The following NOL9 variants were observed in gnomAD, a reference collection of about 807,000 sequenced individuals.
The protein encoded by NOL9 is polynucleotide 5'-hydroxyl-kinase NOL9.
A neutral mutation model predicts 67.9 loss-of-function variants in NOL9; 28 were observed. The observed-to-expected ratio is 0.41, with a 90% confidence interval of 0.31 to 0.57. The LOEUF (loss-of-function observed/expected upper bound fraction) is 0.57, where lower values mean the gene tolerates loss of function less well. Ranked by LOEUF, NOL9 falls within the 20% of genes least tolerant of loss-of-function variation. NOL9 has a pLI of 0.25. For synonymous variants in NOL9, 356 were observed against 352.2 expected (o/e 1.01, Z -0.12); for missense variants, 777 against 897.0 (o/e 0.87, Z 1.71).
chr1:6,526,580 A>G, intron 11 of NOL9, 116 bp downstream of exon 11: 1 of 1,105,580 alleles, frequency 9.0e-7, no homozygotes, highest in South Asian at 1.8e-5. Context: ...AGGATCTACA[A>G]CAAAGTATAG....
chr1:6,544,543 A>ACCCCC (rs33922236), intron 5 of NOL9, among the ~76,000 whole-genome samples: 26 of 24,524 alleles, frequency 1.1e-3, no homozygotes, highest in South Asian at 5.6e-3. Context: ...GCACACACGC[A>ACCCCC]CCCCCCCCCC....
chr1:6,548,134 AGTTCT>A (rs1310337688), intron 3 of NOL9: 2 of 147,304 alleles, frequency 1.4e-5, no homozygotes, highest in Non-Finnish European at 2.8e-5. Context: ...TGAGACTTAA[AGTTCT>A]TTTTTTTTTT....
At chr1:6,537,887 G>A in intron 6 of NOL9, among the ~76,000 whole-genome samples, 1 of 150,920 alleles carries the variant, frequency 6.6e-6, no homozygotes, top group African/African-American at 2.4e-5. Context: ...CTTTGGAGAG[G>A]CCGAGGCAGG....
At chr1:6,530,612 A>G (rs898038039) in intron 9 of NOL9, among the ~76,000 whole-genome samples, 1 of 152,244 alleles carries the variant, frequency 6.6e-6, no homozygotes, top group Non-Finnish European at 1.5e-5. Flanking sequence ...CAGGGGAGAT[A>G]ACTCAGAGGC....
intron 9 of NOL9, among the ~76,000 whole-genome samples, chr1:6,530,597 C>G (rs1639002647): frequency 6.6e-6 from 1 of 152,210 alleles, no homozygotes. Context: ...GTGACTTAGA[C>G]TCTCCAGGGG....
chr1:6,543,704 G>A (rs1404268498), intron 5 of NOL9, among the ~76,000 whole-genome samples: 1 of 152,170 alleles, frequency 6.6e-6, no homozygotes, highest in African/African-American at 2.4e-5. Context: ...GATCTGGCAT[G>A]GTGGCTTATA....
At chr1:6,531,126 C>A (rs1303874309) in intron 9 of NOL9, among the ~76,000 whole-genome samples, 2 of 152,212 alleles carry the variant, frequency 1.3e-5, no homozygotes, top group African/African-American at 4.8e-5. Context: ...TCATGCTTTC[C>A]TCCCAAAACA....
intron 10 of NOL9, among the ~76,000 whole-genome samples, chr1:6,527,174 G>A (rs1023478546): frequency 9.2e-5 from 14 of 151,846 alleles, no homozygotes; most frequent in Admixed American, 1.3e-4. Context: ...TTGAACCCGG[G>A]AGGTGGAGCT....
chr1:6,549,751 C>A (rs1435442146), intron 2 of NOL9, 53 bp from the exon 3 acceptor site: 1 of 1,604,818 alleles, frequency 6.2e-7, no homozygotes, highest in Non-Finnish European at 8.5e-7. Flanking sequence ...TTACATTCCA[C>A]GCCCTTTAGG....
In NOL9 at chr1:6,526,836, G is replaced by C; in HGVS notation, c.1826-7C>G. ...TCAATGCCTCTACAGATGCCTTCAA[G>C]ACACGCGCACAACACAAAAATCACC... On this transcript the variant is annotated splice_region_variant and splice_polypyrimidine_tract_variant and intron_variant, in intron 10 of 11. Transcript: ENST00000377705. 6.3e-7 allele frequency: 1 copy of C among 1,593,306 alleles called. No homozygotes were observed. Among genetic ancestry groups the C allele is most frequent in the Middle Eastern group, 1.7e-4 (1 of 5,918 alleles).
rs1639392236 is a variant in NOL9, at chr1:6,545,174, T to C, written c.751A>G (p.Thr251Ala). Reference protein sequence around the residue: ...SSYIFVQESPTPQIKPEYLAL... With the variant: ...SSYIFVQESPAPQIKPEYLAL... ...AAATATTCAGGTTTAATCTGGGGAG[T>C]TGGACTCTGAAATCAACAATTTAAA... The change falls in exon 4 of 12, where the codon ACT (threonine) becomes GCT (alanine). Residue 251 changes from threonine to alanine, a missense_variant. Physicochemically the swap from Thr to Ala is moderately conservative, Grantham distance 58. Coordinates refer to ENST00000377705, the MANE Select transcript of NOL9 (RefSeq NM_024654.5). The C allele has an allele frequency of 2.5e-6, 4 of 1,607,632 alleles. No individual in the cohort carries two copies. Among genetic ancestry groups the C allele is most frequent in the Non-Finnish European group, 3.4e-6 (4 of 1,178,424 alleles).
chr1:6,529,043 A>C lies in NOL9; in HGVS notation c.1776T>G (p.Asn592Lys), dbSNP rs778868571. ...GAGTCTGGGCAAGCAGGATGGGCCC[A>C]TTCGTGTATCCTCTGACGTCATCCT... ...KIQDDVRGYT[N>K]GPILLAQTPI... The change falls in exon 10 of 12, where the codon AAT becomes AAG. Residue 592 changes from asparagine to lysine, a missense_variant. This residue lies in a region of NOL9 where 413 missense variants were observed against 552.6 expected (regional missense o/e 0.75). Coordinates refer to ENST00000377705, the MANE Select transcript of NOL9 (RefSeq NM_024654.5). 19 of 1,614,100 alleles carry C rather than the reference A, an allele frequency of 1.2e-5. No homozygotes were observed. Among genetic ancestry groups the C allele is most frequent in the Non-Finnish European group, 1.5e-5 (18 of 1,180,026 alleles).
At chr1:6,540,121 A>AT (rs1328996043) in intron 6 of NOL9, among the ~76,000 whole-genome samples, 8 of 19,000 alleles carry the variant, frequency 4.2e-4, no homozygotes, top group Admixed American at 8.4e-4. Context: ...AAGGAGAGTT[A>AT]TTCTTTTTTT....
intron 1 of NOL9, 72 bp from the exon 2 acceptor site, chr1:6,550,687 T>TC (rs1323839275): frequency 8.5e-7 from 1 of 1,169,972 alleles, no homozygotes; most frequent in African/African-American, 1.6e-5. Context: ...TAAAATCTTT[T>TC]TTTTTTTTTT....
chr1:6,529,460 C>T (rs1218798642), intron 9 of NOL9, among the ~76,000 whole-genome samples: 1 of 151,918 alleles, frequency 6.6e-6, no homozygotes, highest in African/African-American at 2.4e-5. Context: ...TGGTGGCAGG[C>T]GCCTGTAATC....
intron 6 of NOL9, among the ~76,000 whole-genome samples, chr1:6,540,371 C>T (rs1276766995): frequency 3.3e-5 from 5 of 152,184 alleles, no homozygotes; most frequent in East Asian, 1.9e-4. Flanking sequence ...ATCCACCCGC[C>T]TTGGTCTCCC....
intron 3 of NOL9, 56 bp downstream of exon 3, chr1:6,549,514 GA>G (rs1639494428): frequency 6.3e-7 from 1 of 1,594,324 alleles, no homozygotes; most frequent in African/African-American, 1.3e-5. Flanking sequence ...ATAGTCATTT[GA>G]AATCACTGTT....
chr1:6,535,928 C>CAA lies in NOL9; in HGVS notation c.1076-2489_1076-2488dup, dbSNP rs35594987. 1.9e-3 allele frequency among the ~76,000 whole-genome samples: 261 copies of CAA among 137,800 alleles called. 1 individual carries two copies. Among genetic ancestry groups the CAA allele is most frequent in the South Asian group, 2.3e-3 (10 of 4,350 alleles). The allele number at this position is 137,800 out of a possible 152,430, so 90.4% of individuals were successfully genotyped here. ...GGGCAGCAAGAGCGAAACTCCATCT[C>CAA]AAAAAAAAAAAAAAAGTTGGAGGTA... On this transcript the variant is annotated intron_variant, in intron 6 of 11. Transcript: ENST00000377705.
In NOL9 at chr1:6,525,491, T is replaced by G. The variant is rs1638863735; in HGVS notation, c.*363A>C. Reference sequence around the variant, plus strand: ...AGATCCTGCAGGTCGGCCTTCTTCCTTCCTTCTCGGTACATTGTAATGGCC... The same window carrying G: ...AGATCCTGCAGGTCGGCCTTCTTCCGTCCTTCTCGGTACATTGTAATGGCC... On this transcript the variant is annotated 3_prime_UTR_variant, in exon 12 of 12. Transcript: ENST00000377705. 8.9e-6 allele frequency: 2 copies of G among 223,898 alleles called. No individual in the cohort carries two copies. The highest frequency in any genetic ancestry group is 8.9e-6 in the Non-Finnish European group (1 of 112,974). The allele number at this position is 223,898 out of a possible 1,614,324, so 13.9% of individuals were successfully genotyped here. A position where few individuals can be genotyped will look rare whatever the true frequency, so the allele number is the denominator to read the frequency against.
Sources: gnomAD v4.1 joint callset for allele counts (sites outside exome capture counted in the v4.1 genomes callset) on GRCh38, gnomAD v4.1.1 for gene constraint, gnomAD v4.1.1 regional missense constraint, MANE v1.5 for transcripts, NCBI Gene and HGNC (gene_info 2026-07-23, HGNC 2026-07-21) for gene names.